TNFAIP8: variants seen among roughly 807,000 people sequenced by gnomAD.
TNFAIP8 encodes tumor necrosis factor alpha-induced protein 8.
TNFAIP8 carries 7 observed loss-of-function variants against 13.3 expected under a neutral mutation model. The ratio of observed to expected loss-of-function variants is 0.52; its 90% CI spans 0.30 to 0.99. The LOEUF (loss-of-function observed/expected upper bound fraction) is 0.99. Among genes scored for constraint, TNFAIP8 ranks in the 50% least tolerant of loss-of-function variants. The pLI is 0.07. For missense variants in TNFAIP8, 258 were observed against 236.9 expected (o/e 1.09, Z -0.58); for synonymous variants, 94 against 87.6 (o/e 1.07, Z -0.41).
At chr5:119,346,014 C>A (rs568355753) in intron 1 of TNFAIP8, among the ~76,000 whole-genome samples, 5 of 152,114 alleles carry the variant, frequency 3.3e-5, no homozygotes, top group Non-Finnish European at 7.4e-5. Context: ...GCAGCCCCTA[C>A]CCGTGGGCCG....
rs914023273 is a variant in TNFAIP8 at position 119,396,045 on chromosome 5, A to G, written c.*2664A>G. The G allele has an allele frequency of 6.6e-6, 1 of 152,218 alleles. No individual in the cohort carries two copies. The highest frequency in any genetic ancestry group is 1.5e-5 in the Non-Finnish European group (1 of 68,038). The allele number at this position is 152,218 out of a possible 1,614,324, so 9.4% of individuals were successfully genotyped here. A position where few individuals can be genotyped will look rare whatever the true frequency, so the allele number is the denominator to read the frequency against. Reference sequence around the variant, plus strand: ...CATTAACTCATTTAATTCTGCCACAATCTTCACCATCTTATAGATAAGGAA... The same window carrying G: ...CATTAACTCATTTAATTCTGCCACAGTCTTCACCATCTTATAGATAAGGAA... On this transcript the variant is annotated 3_prime_UTR_variant, in exon 2 of 2. Coordinates refer to ENST00000504771, the MANE Select transcript of TNFAIP8 (RefSeq NM_014350.4).
chr5:119,310,827 T>A lies in TNFAIP8; in HGVS notation c.1+41920T>A, dbSNP rs114847428. 4.3e-3 allele frequency among the ~76,000 whole-genome samples: 647 copies of A among 150,740 alleles called. 5 individuals carry two copies. The highest frequency in any genetic ancestry group is 0.016 in the African/African-American group (636 of 40,698). ...GGGTGACAGATCGAGACTCCACCAA[T>A]CAATCAATCAATCAATCAATCAATA... is the stretch of plus-strand genomic sequence containing the variant. On this transcript the variant is annotated intron_variant, in intron 1 of 1. Coordinates refer to the TNFAIP8 transcript ENST00000274456.
chr5:119,308,883 T>A (rs983952865), intron 1 of TNFAIP8, among the ~76,000 whole-genome samples: 1 of 151,640 alleles, frequency 6.6e-6, no homozygotes, highest in African/African-American at 2.4e-5. Flanking sequence ...AAGACCATTC[T>A]GATATTGCAC....
chr5:119,358,045 A>C (rs1469037602), intron 1 of TNFAIP8, among the ~76,000 whole-genome samples: 1 of 151,640 alleles, frequency 6.6e-6, no homozygotes, highest in African/African-American at 2.4e-5. Flanking sequence ...TATGTTGTGT[A>C]AATAACTCAG....
intron 1 of TNFAIP8, among the ~76,000 whole-genome samples, chr5:119,307,603 A>G (rs1331734046): frequency 6.6e-6 from 1 of 152,230 alleles, no homozygotes; most frequent in African/African-American, 2.4e-5. Context: ...TCTAAGGTGC[A>G]TATTTTTCAT....
At chr5:119,305,175 T>G (rs1749513076) in intron 1 of TNFAIP8, among the ~76,000 whole-genome samples, 1 of 152,150 alleles carries the variant, frequency 6.6e-6, no homozygotes, top group South Asian at 2.1e-4. Context: ...AAATAAAAGG[T>G]TTCAGAAAAT....
chr5:119,298,156 T>C (rs1443920812), intron 1 of TNFAIP8, among the ~76,000 whole-genome samples: 1 of 152,208 alleles, frequency 6.6e-6, no homozygotes, highest in Non-Finnish European at 1.5e-5. Flanking sequence ...ATTATGATGT[T>C]AGCTGGTTAT....
intron 1 of TNFAIP8, among the ~76,000 whole-genome samples, chr5:119,277,526 T>G (rs1164371936): frequency 6.6e-6 from 1 of 152,230 alleles, no homozygotes; most frequent in Non-Finnish European, 1.5e-5. Context: ...CCAGCTCTCC[T>G]CTTATAAGGA....
In TNFAIP8 at chr5:119,394,691, C is replaced by A. The variant is rs1408517927; in HGVS notation, c.*1310C>A. On this transcript the variant is annotated 3_prime_UTR_variant, in exon 2 of 2. Transcript: ENST00000504771. ...GCATGATTTTGGCTCACTGCAACCT[C>A]TGCCTCCCAGGTTCAAGTGATTCTC... 1 of 147,740 alleles carries A rather than the reference C, an allele frequency of 6.8e-6. No homozygotes were observed. The highest frequency in any genetic ancestry group is 2.5e-5 in the African/African-American group (1 of 39,788). 9.2% of individuals were successfully genotyped at this position (147,740 alleles called of 1,614,324 possible). A position where few individuals can be genotyped will look rare whatever the true frequency, so the allele number is the denominator to read the frequency against.
intron 1 of TNFAIP8, among the ~76,000 whole-genome samples, chr5:119,304,481 G>T (rs920285843): frequency 6.6e-6 from 1 of 152,082 alleles, no homozygotes; most frequent in African/African-American, 2.4e-5. Context: ...TCCCTATAAT[G>T]GTCCCTCAGT....
intron 1 of TNFAIP8, among the ~76,000 whole-genome samples, chr5:119,335,205 C>T (rs935207681): frequency 2.0e-5 from 3 of 152,134 alleles, no homozygotes; most frequent in South Asian, 2.1e-4. Flanking sequence ...AGCATCACCA[C>T]CTTTTCCCAA....
intron 1 of TNFAIP8, among the ~76,000 whole-genome samples, chr5:119,374,578 CA>C (rs1478619785): frequency 4.6e-5 from 7 of 152,206 alleles, no homozygotes; most frequent in African/African-American, 1.7e-4. Context: ...CCTTCTAGCT[CA>C]GCTTGGTTGC....
chr5:119,314,527 T>A (rs1414885698), intron 1 of TNFAIP8, among the ~76,000 whole-genome samples: 1 of 152,244 alleles, frequency 6.6e-6, no homozygotes, highest in Non-Finnish European at 1.5e-5. Context: ...ATCCTCTCCA[T>A]ATCCACAAAC....
At chr5:119,364,255 T>C (rs1751746000) in intron 1 of TNFAIP8, among the ~76,000 whole-genome samples, 1 of 152,180 alleles carries the variant, frequency 6.6e-6, no homozygotes, top group Non-Finnish European at 1.5e-5. Flanking sequence ...AGAGGCTTAT[T>C]ATGAGTAACA....
At chr5:119,367,526 A>G (rs1751903929) in intron 1 of TNFAIP8, among the ~76,000 whole-genome samples, 1 of 152,162 alleles carries the variant, frequency 6.6e-6, no homozygotes, top group Non-Finnish European at 1.5e-5. Context: ...ATCTATCCCT[A>G]TCTTGTGAAC....
chr5:119,280,666 G>A (rs868211378), intron 1 of TNFAIP8, among the ~76,000 whole-genome samples: 56 of 152,284 alleles, frequency 3.7e-4, no homozygotes, highest in African/African-American at 1.3e-3. Flanking sequence ...GATCCTCAGT[G>A]TCTCGATCTG....
At chr5:119,331,820 T>G (rs556508578) in intron 1 of TNFAIP8, among the ~76,000 whole-genome samples, 10 of 152,176 alleles carry the variant, frequency 6.6e-5, no homozygotes, top group African/African-American at 2.2e-4. Flanking sequence ...TGAGGTCACA[T>G]TTTAGGGAAA....
chr5:119,370,805 C>T (rs1482075931), intron 1 of TNFAIP8, among the ~76,000 whole-genome samples: 2 of 152,214 alleles, frequency 1.3e-5, no homozygotes, highest in African/African-American at 4.8e-5. Flanking sequence ...AAATATGACC[C>T]AGTGCCTAAC....
intron 1 of TNFAIP8, chr5:119,391,612 AGCCGGGCAT>A: frequency 2.1e-6 from 1 of 481,618 alleles, no homozygotes; most frequent in South Asian, 2.1e-5. Flanking sequence ...ATACACAATT[AGCCGGGCAT>A]GGTGGAGGGT....
Sources: gnomAD v4.1 joint callset for allele counts (sites outside exome capture counted in the v4.1 genomes callset) on GRCh38, gnomAD v4.1.1 for gene constraint, MANE v1.5 for transcripts, NCBI Gene and HGNC (gene_info 2026-07-23, HGNC 2026-07-21) for gene names.